The following LRRC38 variants were observed in gnomAD, a reference collection of about 807,000 sequenced individuals.
LRRC38 encodes the protein leucine-rich repeat-containing protein 38.
In LRRC38, 5 loss-of-function variants were observed where a neutral mutation model predicts 16.4. The ratio of observed to expected loss-of-function variants is 0.31; its 90% CI spans 0.16 to 0.64. LRRC38 has a LOEUF of 0.64. Among genes scored for constraint, LRRC38 ranks in the 30% least tolerant of loss-of-function variants. LRRC38 has a pLI of 0.80. For synonymous variants in LRRC38, 191 were observed against 190.2 expected, an observed-to-expected ratio of 1.00 and a Z score of -0.04; for missense variants, 341 against 401.8, an observed-to-expected ratio of 0.85 and a Z score of 1.29.
chr1:13,501,620 G>A lies in LRRC38; in HGVS notation c.631+11343C>T, dbSNP rs140149424. On this transcript the variant is annotated intron_variant, in intron 1 of 1. Transcript: ENST00000376085. ...TTTTTGTTTGTTTGTTTGAGATAGA[G>A]TCTCACTCTGTTGCCCAGGCTGGAG... Among the ~76,000 whole-genome samples, 216 of 101,664 alleles carry A rather than the reference G, an allele frequency of 2.1e-3. 12 individuals carry two copies. The highest frequency in any genetic ancestry group is 8.4e-3 in the African/African-American group (190 of 22,596). The allele number at this position is 101,664 out of a possible 152,430, so 66.7% of individuals were successfully genotyped here.
intron 1 of LRRC38, among the ~76,000 whole-genome samples, chr1:13,501,077 T>C (rs1272858403): frequency 1.3e-5 from 2 of 152,180 alleles, no homozygotes; most frequent in Non-Finnish European, 2.9e-5. Flanking sequence ...CTGTGGGCTT[T>C]AGTGAATAAT....
At chr1:13,490,529 T>C (rs962672598) in intron 1 of LRRC38, among the ~76,000 whole-genome samples, 2 of 152,128 alleles carry the variant, frequency 1.3e-5, no homozygotes, top group African/African-American at 4.8e-5. Flanking sequence ...CCATCACCCC[T>C]GTCATCTCAA....
chr1:13,504,766 A>AAGGGAGGGGAG (rs1639190753), intron 1 of LRRC38, among the ~76,000 whole-genome samples: 4 of 57,716 alleles, frequency 6.9e-5, no homozygotes, highest in African/African-American at 3.7e-4. Context: ...GGGGAGGGGA[A>AAGGGAGGGGAG]GGGAGGGAAG....
chr1:13,478,169 A>G, intron 1 of LRRC38, among the ~76,000 whole-genome samples: 1 of 152,246 alleles, frequency 6.6e-6, no homozygotes, highest in East Asian at 1.9e-4. Flanking sequence ...AAGAGAATGA[A>G]TGGTATTAGA....
chr1:13,479,363 G>T lies in LRRC38; in HGVS notation c.632-3264C>A, dbSNP rs115309545. Among the ~76,000 whole-genome samples the T allele has an allele frequency of 7.0e-3, 1,066 of 152,292 alleles. 6 individuals carry two copies. Among genetic ancestry groups the T allele is most frequent in the African/African-American group, 0.024 (1,017 of 41,572 alleles). ...AGTGACAGATCATTATTTAGCTGGA[G>T]AAATTTTCTAGAAATCCTCATCTTC... On this transcript the variant is annotated intron_variant, in intron 1 of 1. Transcript: ENST00000376085.
At chr1:13,505,319 G>C (rs553784894) in intron 1 of LRRC38, among the ~76,000 whole-genome samples, 1 of 152,188 alleles carries the variant, frequency 6.6e-6, no homozygotes, top group Non-Finnish European at 1.5e-5. Flanking sequence ...GGGGGCTACC[G>C]GGGATTTGAC....
intron 1 of LRRC38, among the ~76,000 whole-genome samples, chr1:13,493,550 A>T (rs1639043389): frequency 6.6e-6 from 1 of 152,150 alleles, no homozygotes; most frequent in African/African-American, 2.4e-5. Flanking sequence ...TGCCGATGTG[A>T]TTAGATAAAG....
intron 1 of LRRC38, among the ~76,000 whole-genome samples, chr1:13,511,525 C>A (rs911964048): frequency 8.5e-5 from 13 of 152,220 alleles, no homozygotes; most frequent in Middle Eastern, 6.8e-3. Context: ...CTTCATAAAA[C>A]CTTGCCTTCA....
At chr1:13,496,780 A>G (rs555866121) in intron 1 of LRRC38, among the ~76,000 whole-genome samples, 1 of 152,216 alleles carries the variant, frequency 6.6e-6, no homozygotes, top group Admixed American at 6.5e-5. Context: ...GTAAATGAGT[A>G]AAATGTATAA....
intron 1 of LRRC38, 118 bp from the exon 2 acceptor site, chr1:13,476,217 AG>A: frequency 1.1e-6 from 1 of 877,894 alleles, no homozygotes; most frequent in South Asian, 1.8e-5. Context: ...CAAAAATAAA[AG>A]GGGGGAAAAG....
chr1:13,479,749 G>C (rs547395064), intron 1 of LRRC38, among the ~76,000 whole-genome samples: 1 of 152,294 alleles, frequency 6.6e-6, no homozygotes, highest in Admixed American at 6.5e-5. Context: ...TGGACGAAGA[G>C]AGTCTGCCAG....
Position 13,487,143 on chromosome 1 carries a change from T to G in LRRC38, c.632-11044A>C, listed in dbSNP as rs909463287. Among the ~76,000 whole-genome samples the G allele has an allele frequency of 6.6e-6, 1 of 152,224 alleles. No homozygotes were observed. Among genetic ancestry groups the G allele is most frequent in the African/African-American group, 2.4e-5 (1 of 41,460 alleles). ...GGCTTCTCTTCAATTCTGTGAACTA[T>G]CTGACATCCCTGCAACAAATTCCTT... On this transcript the variant is annotated intron_variant, in intron 1 of 1. Transcript: ENST00000376085. This position sits in a 1 kb window ranked among gnomAD's most constrained non-coding sequence, Gnocchi z 4.4.
chr1:13,492,089 C>T (rs528184306), intron 1 of LRRC38, among the ~76,000 whole-genome samples: 1 of 152,312 alleles, frequency 6.6e-6, no homozygotes, highest in South Asian at 2.1e-4. Flanking sequence ...CAAACTGAAA[C>T]TCTGTCCGCA....
Position 13,513,621 on chromosome 1 carries a change from G to A in LRRC38, c.-28C>T. Reference sequence around the variant, plus strand: ...CCGGGGGGCCCGCGCCGGCCGCGGCGAGAAGGAAGCGGCTCTCGGAGCGAG... The same window carrying A: ...CCGGGGGGCCCGCGCCGGCCGCGGCAAGAAGGAAGCGGCTCTCGGAGCGAG... On this transcript the variant is annotated 5_prime_UTR_variant, in exon 1 of 2. Coordinates refer to ENST00000376085, the MANE Select transcript of LRRC38 (RefSeq NM_001010847.2). The A allele has an allele frequency of 2.8e-6, 3 of 1,061,810 alleles. No individual in the cohort carries two copies. The highest frequency in any genetic ancestry group is 2.3e-6 in the Non-Finnish European group (2 of 881,170). The allele number at this position is 1,061,810 out of a possible 1,614,324, so 65.8% of individuals were successfully genotyped here.
chr1:13,486,588 C>CTTTTT (rs34927682), intron 1 of LRRC38, among the ~76,000 whole-genome samples: 3 of 127,656 alleles, frequency 2.4e-5, no homozygotes, highest in Non-Finnish European at 4.9e-5. Flanking sequence ...CTTGGTGTAC[C>CTTTTT]TTTTTTTTTT....
At chr1:13,481,485 G>A (rs1258770638) in intron 1 of LRRC38, among the ~76,000 whole-genome samples, 1 of 151,266 alleles carries the variant, frequency 6.6e-6, no homozygotes, top group East Asian at 1.9e-4. Context: ...TCTGCCTCCT[G>A]GGTTCACGCC....
rs1437102463 is a variant in LRRC38 at position 13,513,728 on chromosome 1, CCCGGGCGTGCGG to C, written c.-147_-136del. 1.8e-5 allele frequency: 6 copies of C among 332,504 alleles called. No homozygotes were observed. The highest frequency in any genetic ancestry group is 6.8e-5 in the African/African-American group (3 of 44,074). 20.6% of individuals were successfully genotyped at this position (332,504 alleles called of 1,614,324 possible). The stretch of plus-strand genomic sequence containing the variant: ...GCGGCCCGGGCGGGGAGGGCGTGCG[CCCGGGCGTGCGG>C]GGGCGATGGAGCGCGGCGCGGACGG... On this transcript the variant is annotated 5_prime_UTR_variant, in exon 1 of 2. Transcript: ENST00000376085.
At chr1:13,498,654 C>G (rs917812167) in intron 1 of LRRC38, among the ~76,000 whole-genome samples, 2 of 151,944 alleles carry the variant, frequency 1.3e-5, no homozygotes, top group African/African-American at 4.8e-5. Context: ...AAATAAAAAC[C>G]AAATAAACAA....
Position 13,513,286 on chromosome 1 carries a change from G to A in LRRC38, c.308C>T (p.Ser103Leu). The change falls in exon 1 of 2, where the codon TCG (serine) becomes TTG (leucine). Residue 103 changes from serine to leucine, a missense_variant. By Grantham distance (145) the Ser-to-Leu change is moderately radical. Coordinates refer to ENST00000376085, the MANE Select transcript of LRRC38 (RefSeq NM_001010847.2). The part of the protein sequence containing the change: ...RSLEEGTFSG[S>L]AKLVFLDLSY... ...GAGGTCGAGGAACACGAGCTTGGCC[G>A]AGCCGCTGAACGTGCCCTCCTCCAG... 2 of 1,550,570 alleles carry A rather than the reference G, an allele frequency of 1.3e-6. No homozygotes were observed. Among genetic ancestry groups the A allele is most frequent in the East Asian group, 2.4e-5 (1 of 40,866 alleles).
Sources: allele counts gnomAD v4.1 joint callset (sites outside exome capture counted in the v4.1 genomes callset), GRCh38; gene constraint gnomAD v4.1.1; non-coding constraint Gnocchi (gnomAD v3.1); transcripts MANE v1.5; gene names NCBI Gene and HGNC (gene_info 2026-07-23, HGNC 2026-07-21).